The following ADGRV1 variants were observed in gnomAD, a reference collection of about 807,000 sequenced individuals.
The protein encoded by ADGRV1 is G-protein coupled receptor 98.
In ADGRV1, 359 loss-of-function variants were observed where a neutral mutation model predicts 596.2. That is an observed-to-expected ratio of 0.60 (90% CI 0.55 to 0.66). The LOEUF (loss-of-function observed/expected upper bound fraction) is 0.66, where lower values mean the gene tolerates loss of function less well. Among genes scored for constraint, ADGRV1 ranks in the 30% least tolerant of loss-of-function variants. The probability of loss-of-function intolerance (pLI) is 0.00; values close to 1 mark genes in which losing one functional copy is unlikely to be tolerated. For synonymous variants in ADGRV1, 2,681 were observed against 2,679.2 expected (o/e 1.00, Z -0.02); for missense variants, 7,274 against 7,575.6 (o/e 0.96, Z 1.48).
chr5:90,772,067 G>C (rs1244307995), intron 59 of ADGRV1, among the ~76,000 whole-genome samples: 1 of 152,080 alleles, frequency 6.6e-6, no homozygotes, highest in Non-Finnish European at 1.5e-5. Context: ...ATGATATGAA[G>C]AGCTGCCTTA....
chr5:91,101,332 G>A (rs988312273), intron 86 of ADGRV1, among the ~76,000 whole-genome samples: 3 of 152,150 alleles, frequency 2.0e-5, no homozygotes, highest in African/African-American at 4.8e-5. Context: ...CATAGTGGAC[G>A]AGGATTTTAG....
At chr5:90,812,431 G>A (rs766111978) in intron 74 of ADGRV1, among the ~76,000 whole-genome samples, 1 of 152,110 alleles carries the variant, frequency 6.6e-6, no homozygotes, top group African/African-American at 2.4e-5. Context: ...ATTTAATCAA[G>A]CTAGTTAACA....
chr5:91,062,535 C>A (rs1223362670), intron 85 of ADGRV1, among the ~76,000 whole-genome samples: 2 of 152,094 alleles, frequency 1.3e-5, no homozygotes, highest in Non-Finnish European at 2.9e-5. Context: ...CTTATTCCTT[C>A]AACAGCTGTT....
At chr5:90,964,187 A>G (rs935448535) in intron 83 of ADGRV1, among the ~76,000 whole-genome samples, 6 of 152,246 alleles carry the variant, frequency 3.9e-5, no homozygotes, top group African/African-American at 9.6e-5. Context: ...ATTTTGTTCC[A>G]TGGTCTTATT....
intron 83 of ADGRV1, among the ~76,000 whole-genome samples, chr5:90,962,776 A>G (rs1212820797): frequency 6.6e-6 from 1 of 152,230 alleles, no homozygotes; most frequent in Non-Finnish European, 1.5e-5. Context: ...CATGATTTAC[A>G]AAAGTAGATT....
chr5:90,618,863 G>A (rs998043294), intron 3 of ADGRV1, among the ~76,000 whole-genome samples: 2 of 151,822 alleles, frequency 1.3e-5, no homozygotes, highest in African/African-American at 4.8e-5. Context: ...ATTATTAAGA[G>A]TCAGTGACTA....
intron 84 of ADGRV1, among the ~76,000 whole-genome samples, chr5:90,971,334 C>T (rs938349772): frequency 7.2e-5 from 11 of 152,152 alleles, no homozygotes; most frequent in African/African-American, 2.4e-4. Flanking sequence ...CATTCAAATT[C>T]AGGAAATACA....
chr5:90,613,088 C>T (rs640042), intron 1 of ADGRV1, among the ~76,000 whole-genome samples: 6,585 of 152,194 alleles, frequency 0.043, 184 homozygotes, highest in Middle Eastern at 0.11. Flanking sequence ...ATTCCCTCTA[C>T]TCATGCTGTA....
chr5:90,929,637 C>G (rs556582992), intron 83 of ADGRV1: 2 of 152,530 alleles, frequency 1.3e-5, no homozygotes, highest in South Asian at 2.1e-4. Flanking sequence ...TGTTCCTATT[C>G]GGCCATATTG....
intron 83 of ADGRV1, among the ~76,000 whole-genome samples, chr5:90,951,326 C>A (rs1007939301): frequency 6.6e-6 from 1 of 152,044 alleles, no homozygotes; most frequent in Non-Finnish European, 1.5e-5. Context: ...TTTGAAGTTA[C>A]CTGTGGTCAT....
chr5:90,821,741 C>T lies in ADGRV1; in HGVS notation c.16197-1684C>T, dbSNP rs564709809. Reference sequence around the variant, plus strand: ...GTTAGGCTGCTTCGGGGTCAGGGGTCAGGCACCCACTTGAGGAGGCAGTCT... The same window carrying T: ...GTTAGGCTGCTTCGGGGTCAGGGGTTAGGCACCCACTTGAGGAGGCAGTCT... On this transcript the variant is annotated intron_variant, in intron 75 of 89. Transcript: ENST00000405460. Among the ~76,000 whole-genome samples the T allele has an allele frequency of 1.2e-4, 18 of 152,034 alleles. No individual in the cohort carries two copies. In the South Asian group the frequency reaches 3.1e-3, roughly 26 times the overall value.
intron 1 of ADGRV1, among the ~76,000 whole-genome samples, chr5:90,569,372 TA>T (rs1561302484): frequency 8.3e-4 from 22 of 26,410 alleles, no homozygotes; most frequent in African/African-American, 2.4e-3. Context: ...TATATATATA[TA>T]TATATATATA....
intron 22 of ADGRV1, 48 bp downstream of exon 22, chr5:90,672,770 TC>T (rs1439731202): frequency 7.3e-7 from 1 of 1,376,298 alleles, no homozygotes; most frequent in African/African-American, 1.4e-5. Context: ...GGAAAGCTTT[TC>T]CTGAAGTGTT....
intron 22 of ADGRV1, 62 bp from the exon 23 acceptor site, chr5:90,673,992 C>T: frequency 8.2e-7 from 1 of 1,217,418 alleles, no homozygotes; most frequent in Non-Finnish European, 1.2e-6. Context: ...TTTGAATTTT[C>T]TTCTAGTAAG....
chr5:90,929,872 A>G lies in ADGRV1; in HGVS notation c.17857-35543A>G, dbSNP rs113383652. On this transcript the variant is annotated intron_variant, in intron 83 of 89. Transcript: ENST00000405460. The stretch of plus-strand genomic sequence containing the variant: ...TTTTTTTCTGTACAACGTTAAGGAA[A>G]GTAAATGACTGTATCCTACAGAAAC... Among the ~76,000 whole-genome samples the G allele has an allele frequency of 4.4e-3, 672 of 152,348 alleles. 2 individuals are homozygous for G. The highest frequency in any genetic ancestry group is 0.015 in the African/African-American group (637 of 41,572).
intron 87 of ADGRV1, among the ~76,000 whole-genome samples, chr5:91,131,158 T>C (rs556139164): frequency 1.2e-4 from 18 of 152,254 alleles, no homozygotes; most frequent in Non-Finnish European, 2.2e-4. Flanking sequence ...CTGGATAGAA[T>C]AATAATTCTA....
intron 84 of ADGRV1, among the ~76,000 whole-genome samples, chr5:90,982,356 A>G (rs1780145256): frequency 6.6e-6 from 1 of 152,158 alleles, no homozygotes; most frequent in African/African-American, 2.4e-5. Flanking sequence ...TTAAGTGAGG[A>G]CATATTGTAT....
intron 87 of ADGRV1, among the ~76,000 whole-genome samples, chr5:91,133,916 G>A (rs1186730997): frequency 1.3e-5 from 2 of 152,062 alleles, no homozygotes; most frequent in East Asian, 1.9e-4. Flanking sequence ...TTTTCAAAAA[G>A]TGTAGCTATG....
chr5:90,675,352 G>C lies in ADGRV1; in HGVS notation c.5220G>C (p.Arg1740Ser), dbSNP rs889184506. The stretch of plus-strand genomic sequence containing the variant: ...TGGAGGAGGAAGATGGAGAAATCAG[G>C]TTATTGGTCATCCGTGCACAGGGAC... Reference protein sequence around the residue: ...ITVEEEDGEIRLLVIRAQGLL... With the variant: ...ITVEEEDGEISLLVIRAQGLL... Residue 1740 changes from arginine to serine, a missense_variant, in exon 24 of 90, where the codon AGG (arginine) becomes AGC (serine). Coordinates refer to ENST00000405460, the MANE Select transcript of ADGRV1 (RefSeq NM_032119.4). 6.2e-7 allele frequency: 1 copy of C among 1,613,842 alleles called. No individual in the cohort carries two copies. Among genetic ancestry groups the C allele is most frequent in the Non-Finnish European group, 8.5e-7 (1 of 1,179,864 alleles).
Sources: gnomAD v4.1 joint callset for allele counts (sites outside exome capture counted in the v4.1 genomes callset) on GRCh38, gnomAD v4.1.1 for gene constraint, MANE v1.5 for transcripts, NCBI Gene and HGNC (gene_info 2026-07-23, HGNC 2026-07-21) for gene names.